Variants in RBMS3 observed in about 807,000 individuals in gnomAD.
RBMS3 encodes the protein RNA-binding motif, single-stranded-interacting protein 3.
Under a neutral mutation model 66.8 loss-of-function variants are expected in RBMS3, and 27 were observed. The observed-to-expected ratio is 0.40, with a 90% confidence interval of 0.30 to 0.56. RBMS3 has a LOEUF of 0.56. RBMS3 is among the 20% of genes least tolerant of loss of function. The pLI is 0.40. For missense variants in RBMS3, 513 were observed against 549.5 expected (o/e 0.93, Z 0.66); for synonymous variants, 188 against 183.0 (o/e 1.03, Z -0.22).
At chr3:29,851,189 TAA>T in intron 6 of RBMS3, among the ~76,000 whole-genome samples, 1 of 152,350 alleles carries the variant, frequency 6.6e-6, no homozygotes, top group South Asian at 2.1e-4. Flanking sequence ...TCCCTTTTAC[TAA>T]AGTATAATTT....
intron 4 of RBMS3, among the ~76,000 whole-genome samples, chr3:29,730,378 T>G (rs1352683670): frequency 1.3e-5 from 2 of 152,032 alleles, no homozygotes. Context: ...GCCCCTAATA[T>G]CTTTTACATT....
chr3:29,467,809 G>A (rs1012656460), intron 2 of RBMS3, among the ~76,000 whole-genome samples: 24 of 152,004 alleles, frequency 1.6e-4, no homozygotes, highest in African/African-American at 5.3e-4. Context: ...AAAGACTTAG[G>A]CACACAGAGC....
At position 29,936,144 on chromosome 3, in the gene RBMS3, T is replaced by C; in HGVS notation, c.998T>C (p.Met333Thr). 6.2e-7 allele frequency: 1 copy of C among 1,613,398 alleles called. No individual in the cohort carries two copies. Among genetic ancestry groups the C allele is most frequent in the Non-Finnish European group, 8.5e-7 (1 of 1,179,552 alleles). Residue 333 changes from methionine to threonine, a missense_variant, in exon 11 of 15, where the codon ATG becomes ACG. Coordinates refer to ENST00000383767, the MANE Select transcript of RBMS3 (RefSeq NM_001003793.3). ...ATGTCAATGCAGCCAGCCAACATGA[T>C]GGGCCCACTGACACAGCAGATGAAT... is the stretch of plus-strand genomic sequence containing the variant. ...HPMSMQPANM[M>T]GPLTQQMNHL...
intron 2 of RBMS3, among the ~76,000 whole-genome samples, chr3:29,446,167 G>T (rs1340978229): frequency 1.3e-5 from 2 of 152,074 alleles, no homozygotes; most frequent in African/African-American, 4.8e-5. Context: ...GTCCATTGTG[G>T]GTTCTAATTG....
Position 29,343,042 on chromosome 3 carries a change from G to A in RBMS3, c.75+61286G>A, listed in dbSNP as rs144865774. ...TGGTTTCTTATATAGTTGCTATTCA[G>A]TAGGATACTTTTGAAATGGTGAAAA... On this transcript the variant is annotated intron_variant, in intron 1 of 14. Coordinates refer to ENST00000383767, the MANE Select transcript of RBMS3 (RefSeq NM_001003793.3). Among the ~76,000 whole-genome samples the A allele has an allele frequency of 4.6e-3, 699 of 152,202 alleles. 7 individuals are homozygous for A. Among genetic ancestry groups the A allele is most frequent in the African/African-American group, 0.015 (635 of 41,540 alleles).
chr3:29,419,629 C>G (rs903479004), intron 1 of RBMS3, among the ~76,000 whole-genome samples: 1 of 152,104 alleles, frequency 6.6e-6, no homozygotes, highest in African/African-American at 2.4e-5. Flanking sequence ...TAATATAGTA[C>G]ATAGTAACAT....
At chr3:29,943,446 CT>C (rs2061437927) in intron 11 of RBMS3, among the ~76,000 whole-genome samples, 4 of 151,868 alleles carry the variant, frequency 2.6e-5, no homozygotes, top group South Asian at 4.2e-4. Flanking sequence ...GCCAAAAGCT[CT>C]TTTTTCATCT....
At chr3:29,579,657 T>C (rs910775013) in intron 3 of RBMS3, among the ~76,000 whole-genome samples, 2 of 152,230 alleles carry the variant, frequency 1.3e-5, no homozygotes, top group Non-Finnish European at 2.9e-5. Flanking sequence ...TACCTCCTGC[T>C]GTTTTGATGG....
At chr3:29,476,470 T>A (rs998142551) in intron 2 of RBMS3, among the ~76,000 whole-genome samples, 1 of 152,242 alleles carries the variant, frequency 6.6e-6, no homozygotes, top group Non-Finnish European at 1.5e-5. Flanking sequence ...AACTACACCA[T>A]CGATTTATGC....
chr3:29,751,723 T>G (rs1385173565), intron 5 of RBMS3, among the ~76,000 whole-genome samples: 1 of 152,190 alleles, frequency 6.6e-6, no homozygotes, highest in Non-Finnish European at 1.5e-5. Context: ...CTTGAGCTGG[T>G]TTTGAGACAG....
chr3:29,806,960 T>C (rs975230827), intron 6 of RBMS3, among the ~76,000 whole-genome samples: 1 of 151,906 alleles, frequency 6.6e-6, no homozygotes, highest in Admixed American at 6.6e-5. Context: ...AACGTCTGAG[T>C]CCTGAACATC....
chr3:29,817,673 A>G (rs1681359052), intron 6 of RBMS3, among the ~76,000 whole-genome samples: 1 of 152,148 alleles, frequency 6.6e-6, no homozygotes, highest in Admixed American at 6.6e-5. Flanking sequence ...AGCATGCTTA[A>G]TATAGAAAGT....
chr3:29,932,371 T>G lies in RBMS3; in HGVS notation c.940-3715T>G, dbSNP rs554158565. On this transcript the variant is annotated intron_variant, in intron 10 of 14. Transcript: ENST00000383767. ...GCCACTTGTTTGCCTGTAAGAACTG[T>G]AACACTGGCTTTATACGATAGCAGT... 3.9e-5 allele frequency among the ~76,000 whole-genome samples: 6 copies of G among 152,316 alleles called. No individual in the cohort carries two copies. In the East Asian group the frequency reaches 1.2e-3, roughly 29 times the overall value.
chr3:30,005,609 G>GTCTT lies in RBMS3; in HGVS notation c.*1749_*1752dup, dbSNP rs1407447290. ...CTAAATTACAACACCTCTGGGTTTT[G>GTCTT]TCTTTACACCTCTGTCTTTGTCATC... On this transcript the variant is annotated 3_prime_UTR_variant, in exon 15 of 15. Transcript: ENST00000383767. 6.6e-6 allele frequency: 1 copy of GTCTT among 151,850 alleles called. No individual in the cohort carries two copies. Among genetic ancestry groups the GTCTT allele is most frequent in the East Asian group, 1.9e-4 (1 of 5,180 alleles). 9.4% of individuals were successfully genotyped at this position (151,850 alleles called of 1,614,324 possible).
At chr3:29,314,461 G>A (rs77009890) in intron 1 of RBMS3, among the ~76,000 whole-genome samples, 5,908 of 151,802 alleles carry the variant, frequency 0.039, 145 homozygotes, top group South Asian at 0.069. Flanking sequence ...GGCATGTAGA[G>A]TCAGTGTGGC....
chr3:29,819,949 C>T (rs534589970), intron 6 of RBMS3, among the ~76,000 whole-genome samples: 1 of 152,132 alleles, frequency 6.6e-6, no homozygotes, highest in African/African-American at 2.4e-5. Flanking sequence ...AAACCCAGCA[C>T]TTTGGAAGGC....
chr3:29,345,430 AT>A lies in RBMS3; in HGVS notation c.75+63683del, dbSNP rs550581811. On this transcript the variant is annotated intron_variant, in intron 1 of 14. Coordinates refer to ENST00000383767, the MANE Select transcript of RBMS3 (RefSeq NM_001003793.3). Reference sequence around the variant, plus strand: ...ATTCTAGCAGTTTAAAAGGAGGAGGATTTTTTTTTCCCCCACTCTTTGTCTC... The same window carrying A: ...ATTCTAGCAGTTTAAAAGGAGGAGGATTTTTTTTCCCCCACTCTTTGTCTC... 9.7e-3 allele frequency among the ~76,000 whole-genome samples: 1,468 copies of A among 151,590 alleles called. 12 individuals carry two copies. The highest frequency in any genetic ancestry group is 0.022 in the African/African-American group (918 of 41,358).
chr3:29,516,170 T>C (rs1257464660), intron 3 of RBMS3, among the ~76,000 whole-genome samples: 1 of 152,216 alleles, frequency 6.6e-6, no homozygotes, highest in Non-Finnish European at 1.5e-5. Flanking sequence ...CTTTGGCAAC[T>C]GCATCTGTGA....
chr3:29,584,773 A>C lies in RBMS3; in HGVS notation c.308-2341A>C, dbSNP rs144134860. Among the ~76,000 whole-genome samples, 587 of 152,126 alleles carry C rather than the reference A, an allele frequency of 3.9e-3. 3 individuals are homozygous for C. The highest frequency in any genetic ancestry group is 0.024 in the Middle Eastern group (7 of 294). On this transcript the variant is annotated intron_variant, in intron 3 of 14. Coordinates refer to ENST00000383767, the MANE Select transcript of RBMS3 (RefSeq NM_001003793.3). ...AATTCTGCCTCCAAAATATAACTCA[A>C]AGCATCCATTTCACCCTATTTCATT...
Sources: gnomAD v4.1 joint callset for allele counts (sites outside exome capture counted in the v4.1 genomes callset) on GRCh38, gnomAD v4.1.1 for gene constraint, MANE v1.5 for transcripts, NCBI Gene and HGNC (gene_info 2026-07-23, HGNC 2026-07-21) for gene names.